P3H2: variants seen among roughly 807,000 people sequenced by gnomAD.
P3H2 encodes prolyl 3-hydroxylase 2, also known as leprecan-like 1.
P3H2 carries 80 observed loss-of-function variants against 87.0 expected under a neutral mutation model. The ratio of observed to expected loss-of-function variants is 0.92; its 90% CI spans 0.77 to 1.11. The LOEUF (loss-of-function observed/expected upper bound fraction) is 1.11. Among genes scored for constraint, P3H2 ranks in the 50% least tolerant of loss-of-function variants. The pLI is 0.00. For missense variants in P3H2, 1,001 were observed against 923.9 expected (o/e 1.08, Z -1.08); for synonymous variants, 367 against 359.3 (o/e 1.02, Z -0.24).
At position 189,962,161 on chromosome 3, in the gene P3H2, CTTTT is replaced by C. The variant is rs770628547; in HGVS notation, c.2034+1793_2034+1796del. On this transcript the variant is annotated intron_variant, in intron 14 of 14. Coordinates refer to ENST00000319332, the MANE Select transcript of P3H2 (RefSeq NM_018192.4). ...GCCTTTCTTTCTTTTTCTTCTTCTTCTTTTTTTTTTTTTTTTTTTTTTTTAAGAC... is the reference window on the plus strand; with the variant it reads ...GCCTTTCTTTCTTTTTCTTCTTCTTCTTTTTTTTTTTTTTTTTTTTAAGAC... Among the ~76,000 whole-genome samples, 669 of 87,608 alleles carry C rather than the reference CTTTT, an allele frequency of 7.6e-3. 4 individuals are homozygous for C. Among genetic ancestry groups the C allele is most frequent in the Non-Finnish European group, 0.011 (497 of 46,830 alleles). 57.5% of individuals were successfully genotyped at this position (87,608 alleles called of 152,430 possible). A position where few individuals can be genotyped will look rare whatever the true frequency, so the allele number is the denominator to read the frequency against.
intron 1 of P3H2, among the ~76,000 whole-genome samples, chr3:190,084,522 T>C (rs1041615922): frequency 1.3e-5 from 2 of 152,190 alleles, no homozygotes; most frequent in Non-Finnish European, 1.5e-5. Context: ...GGTGTGGATA[T>C]TGTAAAAGCT....
In P3H2 at chr3:189,974,959, C is replaced by T. The variant is rs551188693; in HGVS notation, c.1325-274G>A. On this transcript the variant is annotated intron_variant, in intron 8 of 14. Transcript: ENST00000319332. ...ACTACTTTTGCATTTGTTTCTAATG[C>T]TGATCCCAAAAAGTCGACTGGGCAT... Among the ~76,000 whole-genome samples the T allele has an allele frequency of 7.9e-5, 12 of 152,262 alleles. 1 individual carries two copies. Among genetic ancestry groups the T allele is most frequent in the Admixed American group, 3.9e-4 (6 of 15,292 alleles).
At chr3:190,115,768 T>C (rs988327335) in intron 1 of P3H2, among the ~76,000 whole-genome samples, 4 of 152,068 alleles carry the variant, frequency 2.6e-5, no homozygotes, top group African/African-American at 7.2e-5. Context: ...GCAGAAATCT[T>C]CCTCAACAAC....
intron 14 of P3H2, among the ~76,000 whole-genome samples, chr3:189,961,837 T>G (rs1325876206): frequency 2.0e-5 from 3 of 152,202 alleles, no homozygotes; most frequent in African/African-American, 7.2e-5. Flanking sequence ...AGAACTTACT[T>G]TGTGTTAGCT....
chr3:190,004,839 C>T (rs1164360396), intron 1 of P3H2, among the ~76,000 whole-genome samples: 1 of 151,752 alleles, frequency 6.6e-6, no homozygotes, highest in Non-Finnish European at 1.5e-5. Flanking sequence ...TTGTCTTTCC[C>T]GAGTGACTCA....
In P3H2 at chr3:189,974,687, T is replaced by C. The variant is rs1272290221; in HGVS notation, c.1325-2A>G. 2 of 1,614,072 alleles carry C rather than the reference T, an allele frequency of 1.2e-6. No individual in the cohort carries two copies. Among genetic ancestry groups the C allele is most frequent in the Non-Finnish European group, 8.5e-7 (1 of 1,180,034 alleles). ...TGTTCTCATAGAGTAGAGGACCACC[T>C]ACAGGAACAGAGCACATTGTCTTCC... On this transcript the variant is annotated splice_acceptor_variant, in intron 8 of 14. Transcript: ENST00000319332. LOFTEE classifies it high-confidence loss of function.
intron 1 of P3H2, among the ~76,000 whole-genome samples, chr3:190,082,327 G>C (rs1335913823): frequency 2.0e-5 from 3 of 152,146 alleles, no homozygotes; most frequent in African/African-American, 7.2e-5. Flanking sequence ...CTGGATGCAA[G>C]TCCTGAGTTT....
At chr3:190,114,116 C>T (rs1712187157) in intron 1 of P3H2, among the ~76,000 whole-genome samples, 1 of 150,600 alleles carries the variant, frequency 6.6e-6, no homozygotes, top group Non-Finnish European at 1.5e-5. Flanking sequence ...GAAGGAATCC[C>T]TGATTAACCA....
chr3:189,956,826 G>A lies in P3H2; in HGVS notation c.*1086C>T, dbSNP rs925567285. The A allele has an allele frequency of 6.7e-6, 2 of 298,378 alleles. No homozygotes were observed. The highest frequency in any genetic ancestry group is 4.3e-5 in the African/African-American group (2 of 46,412). The allele number at this position is 298,378 out of a possible 1,614,324, so 18.5% of individuals were successfully genotyped here. ...AGGGGCCCCCAAAATATAAGCAGAT[G>A]ACGGTTAAAATCAATCAGAAATTTA... On this transcript the variant is annotated 3_prime_UTR_variant, in exon 15 of 15. Transcript: ENST00000319332.
intron 1 of P3H2, among the ~76,000 whole-genome samples, chr3:190,104,786 T>C (rs1577326034): frequency 6.6e-6 from 1 of 152,338 alleles, no homozygotes; most frequent in South Asian, 2.1e-4. Context: ...TGTCATCTCA[T>C]GGAGACAAGA....
intron 1 of P3H2, among the ~76,000 whole-genome samples, chr3:190,082,340 C>T (rs905539995): frequency 6.6e-5 from 10 of 152,232 alleles, no homozygotes; most frequent in African/African-American, 2.4e-4. Context: ...CTGAGTTTGC[C>T]TTCTACTTGT....
intron 1 of P3H2, among the ~76,000 whole-genome samples, chr3:190,008,369 A>T (rs58078656): frequency 2.0e-5 from 3 of 152,164 alleles, no homozygotes; most frequent in Non-Finnish European, 4.4e-5. Context: ...CAGTTTCTCC[A>T]TGCCACCCAG....
intron 1 of P3H2, among the ~76,000 whole-genome samples, chr3:190,082,418 A>G (rs564281807): frequency 3.5e-4 from 54 of 152,254 alleles, no homozygotes; most frequent in African/African-American, 1.2e-3. Context: ...TGCCCACCCA[A>G]AGATTCTTGT....
intron 1 of P3H2, among the ~76,000 whole-genome samples, chr3:190,054,902 C>T (rs1048776667): frequency 7.2e-5 from 11 of 152,236 alleles, no homozygotes; most frequent in Non-Finnish European, 1.2e-4. Context: ...CAGCTCTTCT[C>T]TTTCAATATC....
chr3:190,003,960 C>A (rs1054064309), intron 1 of P3H2, among the ~76,000 whole-genome samples: 9 of 152,200 alleles, frequency 5.9e-5, no homozygotes, highest in African/African-American at 2.2e-4. Context: ...TCATTAATTT[C>A]ATACCTTAGC....
At chr3:190,108,530 A>G (rs1366917668) in intron 1 of P3H2, among the ~76,000 whole-genome samples, 1 of 152,214 alleles carries the variant, frequency 6.6e-6, no homozygotes, top group Non-Finnish European at 1.5e-5. Context: ...GTAAATCTTT[A>G]CTTTTTCTTT....
intron 1 of P3H2, among the ~76,000 whole-genome samples, chr3:190,031,834 G>A (rs961901952): frequency 1.3e-5 from 2 of 151,828 alleles, no homozygotes; most frequent in African/African-American, 2.4e-5. Flanking sequence ...AGAAATAATT[G>A]ATCAGAACTC....
Position 190,025,522 on chromosome 3 carries a change from T to C in P3H2, c.481-30080A>G, listed in dbSNP as rs147377007. Among the ~76,000 whole-genome samples, 1,024 of 152,274 alleles carry C rather than the reference T, an allele frequency of 6.7e-3. 20 individuals carry two copies. The highest frequency in any genetic ancestry group is 0.023 in the African/African-American group (974 of 41,542). On this transcript the variant is annotated intron_variant, in intron 1 of 14. Transcript: ENST00000319332. ...TTCCCCAAGTATAAAGAAGACATAATAATAGTATTCACCTGTGAGGGTTAT... is the reference window on the plus strand; with the variant it reads ...TTCCCCAAGTATAAAGAAGACATAACAATAGTATTCACCTGTGAGGGTTAT...
At chr3:190,019,342 C>T (rs1039709379) in intron 1 of P3H2, among the ~76,000 whole-genome samples, 1 of 152,196 alleles carries the variant, frequency 6.6e-6, no homozygotes, top group Non-Finnish European at 1.5e-5. Context: ...CAAAAGTCCA[C>T]TGTGAAAACT....
Sources: gnomAD v4.1 joint callset for allele counts (sites outside exome capture counted in the v4.1 genomes callset) on GRCh38, gnomAD v4.1.1 for gene constraint, MANE v1.5 for transcripts, NCBI Gene and HGNC (gene_info 2026-07-23, HGNC 2026-07-21) for gene names.